Variants in JAML observed in about 807,000 individuals in gnomAD.
JAML encodes junction adhesion molecule like.
In JAML, 25 loss-of-function variants were observed where a neutral mutation model predicts 39.3. That is an observed-to-expected ratio of 0.64 (90% CI 0.46 to 0.89). JAML has a LOEUF of 0.89. Ranked by LOEUF, JAML falls within the 40% of genes least tolerant of loss-of-function variation. The pLI is 0.00. For synonymous variants in JAML, 162 were observed against 179.2 expected, an observed-to-expected ratio of 0.90 and a Z score of 0.77; for missense variants, 440 against 486.9, an observed-to-expected ratio of 0.90 and a Z score of 0.91.
At position 118,202,824 on chromosome 11, in the gene JAML, C is replaced by T. The variant is rs201272796; in HGVS notation, c.772+604G>A. 2.0e-5 allele frequency: 8 copies of T among 397,434 alleles called. No homozygotes were observed. In the East Asian group the frequency reaches 5.7e-4, roughly 28 times the overall value. The allele number at this position is 397,434 out of a possible 1,614,324, so 24.6% of individuals were successfully genotyped here. A position where few individuals can be genotyped will look rare whatever the true frequency, so the allele number is the denominator to read the frequency against. ...AAGTCCACAGGCCACATCCTGATTG[C>T]TAACTGGGTTATGGTTTAACTTTAA... On this transcript the variant is annotated intron_variant, in intron 6 of 9. Coordinates refer to ENST00000356289, the MANE Select transcript of JAML (RefSeq NM_001098526.2).
intron 9 of JAML, 63 bp downstream of exon 9, chr11:118,196,672 C>A: frequency 6.9e-7 from 1 of 1,454,064 alleles, no homozygotes; most frequent in Non-Finnish European, 9.6e-7. Context: ...CCCAGCCACG[C>A]CCACCACCAC....
At chr11:118,200,398 A>T (rs1369469936) in intron 7 of JAML, 76 bp downstream of exon 7, 2 of 1,546,178 alleles carry the variant, frequency 1.3e-6, no homozygotes, top group African/African-American at 2.7e-5. Flanking sequence ...GGGCCCTATC[A>T]CCCTGTTCTA....
chr11:118,212,872 C>T, intron 2 of JAML: 1 of 1,614,220 alleles, frequency 6.2e-7, no homozygotes, highest in Non-Finnish European at 8.5e-7. Flanking sequence ...CCCCAGAAGT[C>T]TCTCCTTTCT....
intron 3 of JAML, among the ~76,000 whole-genome samples, chr11:118,211,241 C>A (rs1436343016): frequency 6.6e-6 from 1 of 152,082 alleles, no homozygotes; most frequent in African/African-American, 2.4e-5. Context: ...CTGGGGAATT[C>A]TTTTGTTTTT....
intron 7 of JAML, among the ~76,000 whole-genome samples, chr11:118,198,845 C>A (rs1420975144): frequency 6.6e-6 from 1 of 152,134 alleles, no homozygotes; most frequent in Non-Finnish European, 1.5e-5. Flanking sequence ...TTCCCTGCAA[C>A]CCGTCACCCC....
At chr11:118,214,198 T>C (rs1949110468) in intron 2 of JAML, among the ~76,000 whole-genome samples, 1 of 152,146 alleles carries the variant, frequency 6.6e-6, no homozygotes, top group Non-Finnish European at 1.5e-5. Context: ...CCAGTGGAGA[T>C]GAGCAACGAG....
At chr11:118,212,202 G>T (rs1202354815) in intron 3 of JAML, among the ~76,000 whole-genome samples, 1 of 152,190 alleles carries the variant, frequency 6.6e-6, no homozygotes, top group Admixed American at 6.5e-5. Context: ...AGGAAGCTAA[G>T]ATCAGCAAGG....
Position 118,198,108 on chromosome 11 carries a change from G to A in JAML, c.912-17C>T. On this transcript the variant is annotated splice_polypyrimidine_tract_variant and intron_variant, in intron 7 of 9. Coordinates refer to ENST00000356289, the MANE Select transcript of JAML (RefSeq NM_001098526.2). ...TTCACTGAACTGCAAGACATGAAAAGCATGTGGAATTAACCAGCGGGCATG... is the reference window on the plus strand; with the variant it reads ...TTCACTGAACTGCAAGACATGAAAAACATGTGGAATTAACCAGCGGGCATG... The A allele has an allele frequency of 6.2e-7, 1 of 1,607,236 alleles. No homozygotes were observed. Among genetic ancestry groups the A allele is most frequent in the Non-Finnish European group, 8.5e-7 (1 of 1,173,928 alleles).
Position 118,196,710 on chromosome 11 carries a change from C to G in JAML, c.1092+25G>C, listed in dbSNP as rs376459165. ...CCACCTGAGCCTCTGACACCTGGCT[C>G]AGCTGAGGCCAGAATCATTCTCACC... On this transcript the variant is annotated intron_variant, in intron 9 of 9. Transcript: ENST00000356289. The G allele has an allele frequency of 8.8e-6, 14 of 1,588,082 alleles. No individual in the cohort carries two copies. In the South Asian group the frequency reaches 1.2e-4, roughly 14 times the overall value.
intron 1 of JAML, among the ~76,000 whole-genome samples, chr11:118,218,096 C>CT (rs1209238036): frequency 2.0e-5 from 3 of 151,736 alleles, no homozygotes; most frequent in East Asian, 1.9e-4. Flanking sequence ...AGCCACATGT[C>CT]TTTTTTTTTA....
At chr11:118,200,776 G>A in intron 6 of JAML, 164 bp from the exon 7 acceptor site, 1 of 712,610 alleles carries the variant, frequency 1.4e-6, no homozygotes, top group East Asian at 2.7e-5. Context: ...ATGAGATTGA[G>A]AACCAAAGTC....
intron 1 of JAML, among the ~76,000 whole-genome samples, chr11:118,215,106 C>A (rs1468535065): frequency 1.3e-5 from 2 of 152,026 alleles, no homozygotes; most frequent in Non-Finnish European, 2.9e-5. Flanking sequence ...TAAGAAAATA[C>A]CAGATGTCAA....
intron 1 of JAML, among the ~76,000 whole-genome samples, chr11:118,224,334 G>A (rs986776579): frequency 3.9e-5 from 6 of 152,258 alleles, no homozygotes; most frequent in Admixed American, 1.3e-4. Flanking sequence ...GGTGTAACAA[G>A]CATGGACAGT....
chr11:118,196,905 TA>T lies in JAML; in HGVS notation c.1006-85del, dbSNP rs1214235645. 51 of 1,185,574 alleles carry T rather than the reference TA, an allele frequency of 4.3e-5. No homozygotes were observed. The Admixed American group carries it at 7.1e-4, about 16-fold the overall frequency. 73.4% of individuals were successfully genotyped at this position (1,185,574 alleles called of 1,614,324 possible). On this transcript the variant is annotated intron_variant, in intron 8 of 9. Transcript: ENST00000356289. Reference sequence around the variant, plus strand: ...GAAAAGGCCACCCACTCCTATTTGCTAGGCATCGACCACCCAAACTGCTGGT... The same window carrying T: ...GAAAAGGCCACCCACTCCTATTTGCTGGCATCGACCACCCAAACTGCTGGT...
chr11:118,203,789 A>G, intron 5 of JAML, 124 bp from the exon 6 acceptor site: 1 of 762,180 alleles, frequency 1.3e-6, no homozygotes, highest in Non-Finnish European at 2.3e-6. Context: ...TAAGGGTATT[A>G]TCAGAAAGCA....
At chr11:118,195,747 C>T (rs1020857757) in intron 9 of JAML, among the ~76,000 whole-genome samples, 3 of 148,742 alleles carry the variant, frequency 2.0e-5, no homozygotes, top group Admixed American at 6.6e-5. Context: ...AGGAACCCTA[C>T]TTTGACCTTT....
At chr11:118,197,091 T>C in intron 8 of JAML, 1 of 359,728 alleles carries the variant, frequency 2.8e-6, no homozygotes, top group Non-Finnish European at 5.2e-6. Context: ...GCAGCAGGGG[T>C]TCCTTATCTT....
At chr11:118,198,159 A>G in intron 7 of JAML, 68 bp from the exon 8 acceptor site, 1 of 1,325,100 alleles carries the variant, frequency 7.5e-7, no homozygotes, top group Non-Finnish European at 1.1e-6. Context: ...CCTACATGAG[A>G]TCCCCTCTTG....
intron 1 of JAML, among the ~76,000 whole-genome samples, chr11:118,224,372 C>T (rs1177676541): frequency 6.6e-6 from 1 of 152,072 alleles, no homozygotes; most frequent in Non-Finnish European, 1.5e-5. Context: ...AGATTTAAGT[C>T]TCGGGCTTCT....
Sources: gnomAD v4.1 joint callset for allele counts (sites outside exome capture counted in the v4.1 genomes callset) on GRCh38, gnomAD v4.1.1 for gene constraint, MANE v1.5 for transcripts, NCBI Gene and HGNC (gene_info 2026-07-23, HGNC 2026-07-21) for gene names.